The following PPP4R4 variants were observed in gnomAD, a reference collection of about 807,000 sequenced individuals.
PPP4R4 encodes protein phosphatase 4 regulatory subunit 4.
Under a neutral mutation model 121.8 loss-of-function variants are expected in PPP4R4, and 70 were observed. The observed-to-expected ratio is 0.57, with a 90% CI of 0.47 to 0.70. The LOEUF is 0.70. Ranked by LOEUF, PPP4R4 falls within the 30% of genes least tolerant of loss-of-function variation. The pLI is 0.00. For missense variants in PPP4R4, 875 were observed against 1,033.6 expected (o/e 0.85, Z 2.10); for synonymous variants, 348 against 355.7 (o/e 0.98, Z 0.24).
At chr14:94,257,922 A>G (rs932352937) in intron 17 of PPP4R4, among the ~76,000 whole-genome samples, 2 of 152,142 alleles carry the variant, frequency 1.3e-5, no homozygotes, top group Non-Finnish European at 2.9e-5. Flanking sequence ...TATGCTGCAT[A>G]TAGTGAAGCC....
chr14:94,221,485 T>G (rs534338253), intron 3 of PPP4R4, among the ~76,000 whole-genome samples: 1 of 152,152 alleles, frequency 6.6e-6, no homozygotes, highest in East Asian at 1.9e-4. Flanking sequence ...ATAAAGAACT[T>G]CTCAAAACAC....
chr14:94,265,302 A>C (rs1893982014), intron 20 of PPP4R4, 85 bp from the exon 21 acceptor site: 1 of 947,460 alleles, frequency 1.1e-6, no homozygotes. Context: ...ATAGTGATTC[A>C]TATTGTCTGA....
chr14:94,235,894 A>G (rs899905135), intron 7 of PPP4R4, among the ~76,000 whole-genome samples: 1 of 152,160 alleles, frequency 6.6e-6, no homozygotes, highest in Non-Finnish European at 1.5e-5. Context: ...GGAACCTCTC[A>G]TTTTTAGCAG....
At position 94,241,769 on chromosome 14, in the gene PPP4R4, T is replaced by A; in HGVS notation, c.977-19T>A. 6.6e-7 allele frequency: 1 copy of A among 1,522,884 alleles called. No individual in the cohort carries two copies. The highest frequency in any genetic ancestry group is 1.3e-5 in the South Asian group (1 of 78,254). 94.3% of individuals were successfully genotyped at this position (1,522,884 alleles called of 1,614,324 possible). ...GTTTTCAATTGAAATGTTGAGCTAG[T>A]TTTTTATATTTGTTTTAGGAATTTT... On this transcript the variant is annotated intron_variant, in intron 9 of 24. Transcript: ENST00000304338.
intron 20 of PPP4R4, among the ~76,000 whole-genome samples, 173 bp from the exon 21 acceptor site, chr14:94,265,214 A>T (rs1028030587): frequency 1.3e-5 from 2 of 152,230 alleles, no homozygotes; most frequent in African/African-American, 4.8e-5. Flanking sequence ...TGTGAAATTG[A>T]TCACTGAATA....
chr14:94,238,458 A>G (rs527807776), intron 8 of PPP4R4, among the ~76,000 whole-genome samples: 1 of 152,356 alleles, frequency 6.6e-6, no homozygotes, highest in African/African-American at 2.4e-5. Flanking sequence ...GACATTGTCT[A>G]CATGAGTTTC....
intron 8 of PPP4R4, 51 bp downstream of exon 8, chr14:94,237,737 G>A (rs1186092078): frequency 6.4e-7 from 1 of 1,569,968 alleles, no homozygotes; most frequent in Non-Finnish European, 8.7e-7. Context: ...TTTTCTACAT[G>A]TTTTATGTCA....
intron 2 of PPP4R4, among the ~76,000 whole-genome samples, chr14:94,196,634 A>G (rs995255042): frequency 6.6e-6 from 1 of 151,746 alleles, no homozygotes; most frequent in African/African-American, 2.4e-5. Context: ...TTTATTTAAA[A>G]ATTTTTCTTC....
intron 3 of PPP4R4, among the ~76,000 whole-genome samples, chr14:94,209,690 T>C (rs1189011702): frequency 6.6e-6 from 1 of 152,116 alleles, no homozygotes; most frequent in Non-Finnish European, 1.5e-5. Context: ...TCAGTGATAC[T>C]AACTGACCTA....
intron 3 of PPP4R4, chr14:94,227,605 A>C: frequency 3.2e-6 from 4 of 1,258,934 alleles, no homozygotes; most frequent in Non-Finnish European, 4.0e-6. Flanking sequence ...TGCGGGAGTC[A>C]AGACTAAGTA....
At chr14:94,218,017 A>G (rs58187378) in intron 3 of PPP4R4, among the ~76,000 whole-genome samples, 1,677 of 152,316 alleles carry the variant, frequency 0.011, 34 homozygotes, top group African/African-American at 0.038. Context: ...AATGCTAGAA[A>G]TAAAAAAGAT....
chr14:94,222,485 T>C (rs1048552266), intron 3 of PPP4R4, among the ~76,000 whole-genome samples: 3 of 151,906 alleles, frequency 2.0e-5, no homozygotes, highest in Admixed American at 1.3e-4. Context: ...ATTTCAGGTC[T>C]CCTAGATATT....
At chr14:94,220,549 G>A (rs1891330199) in intron 3 of PPP4R4, among the ~76,000 whole-genome samples, 2 of 151,970 alleles carry the variant, frequency 1.3e-5, no homozygotes, top group South Asian at 4.1e-4. Flanking sequence ...GAAAGGTTAT[G>A]GGATATAAGA....
rs867555381 is a variant in PPP4R4, at chr14:94,265,619, G to C, written c.2284+146G>C. The C allele has an allele frequency of 8.8e-5, 76 of 859,864 alleles. No homozygotes were observed. The Middle Eastern group carries it at 5.1e-3, about 58-fold the overall frequency. The allele number at this position is 859,864 out of a possible 1,614,324, so 53.3% of individuals were successfully genotyped here. ...TTCACCTTCTATCATTAGGTGTTTTGGTAGTTTTTAATTGGTAGTAAGGGT... is the reference window on the plus strand; with the variant it reads ...TTCACCTTCTATCATTAGGTGTTTTCGTAGTTTTTAATTGGTAGTAAGGGT... On this transcript the variant is annotated intron_variant, in intron 21 of 24. Transcript: ENST00000304338.
At chr14:94,213,634 G>A (rs1398056789) in intron 3 of PPP4R4, among the ~76,000 whole-genome samples, 3 of 152,152 alleles carry the variant, frequency 2.0e-5, no homozygotes, top group Non-Finnish European at 2.9e-5. Context: ...GAGAGTTGAC[G>A]TATACATGTA....
chr14:94,216,493 CAGA>C (rs1891027520), intron 3 of PPP4R4, among the ~76,000 whole-genome samples: 1 of 152,224 alleles, frequency 6.6e-6, no homozygotes, highest in South Asian at 2.1e-4. Context: ...AGCTTAGACA[CAGA>C]GGAGCTTTGC....
At chr14:94,264,466 A>G (rs1327132335) in intron 19 of PPP4R4, among the ~76,000 whole-genome samples, 1 of 152,086 alleles carries the variant, frequency 6.6e-6, no homozygotes, top group African/African-American at 2.4e-5. Flanking sequence ...TATGTATATT[A>G]TACTTAAATA....
At position 94,241,845 on chromosome 14, in the gene PPP4R4, C is replaced by T. The variant is rs1262509395; in HGVS notation, c.1034C>T (p.Thr345Ile). The T allele has an allele frequency of 1.2e-6, 2 of 1,608,378 alleles. No individual in the cohort carries two copies. Among genetic ancestry groups the T allele is most frequent in the African/African-American group, 1.3e-5 (1 of 74,666 alleles). Residue 345 changes from threonine to isoleucine, a missense_variant, in exon 10 of 25, where the codon ACA (threonine) becomes ATA (isoleucine). By Grantham distance (89) the Thr-to-Ile change is moderately conservative (BLOSUM62 -1). Transcript: ENST00000304338. ...RFLEFYKKLCTLGLQQENGHN... is the reference protein window; with the variant it reads ...RFLEFYKKLCILGLQQENGHN... ...TTGGAATTTTATAAGAAACTTTGTA[C>T]ATTGGGTTTGCAACAAGAAAATGGA...
chr14:94,238,621 G>A (rs944447804), intron 8 of PPP4R4, among the ~76,000 whole-genome samples: 2 of 152,182 alleles, frequency 1.3e-5, no homozygotes, highest in Non-Finnish European at 2.9e-5. Flanking sequence ...TGAATGTATG[G>A]CTAGACTCTT....
Sources: allele counts gnomAD v4.1 joint callset (sites outside exome capture counted in the v4.1 genomes callset), GRCh38; gene constraint gnomAD v4.1.1; transcripts MANE v1.5; gene names NCBI Gene and HGNC (gene_info 2026-07-23, HGNC 2026-07-21).